AGPS: variants seen among roughly 807,000 people sequenced by gnomAD.
The protein encoded by AGPS is alkylglycerone phosphate synthase.
AGPS carries 26 observed loss-of-function variants against 90.7 expected under a neutral mutation model. That is an observed-to-expected ratio of 0.29 (90% CI 0.21 to 0.40). The LOEUF (loss-of-function observed/expected upper bound fraction) is 0.40. Ranked by LOEUF, AGPS falls within the 10% of genes least tolerant of loss-of-function variation. The probability of loss-of-function intolerance (pLI) is 1.00; values close to 1 mark genes in which losing one functional copy is unlikely to be tolerated. For synonymous variants in AGPS, 294 were observed against 285.3 expected (o/e 1.03, Z -0.31); for missense variants, 540 against 816.1 (o/e 0.66, Z 4.12).
At chr2:177,535,683 G>A (rs767003025) in intron 19 of AGPS, among the ~76,000 whole-genome samples, 4 of 152,124 alleles carry the variant, frequency 2.6e-5, no homozygotes, top group Non-Finnish European at 4.4e-5. Context: ...GTTTGAATGT[G>A]TTTTCTACCT....
chr2:177,457,236 A>G lies in AGPS; in HGVS notation c.871-4657A>G, dbSNP rs143108683. Reference sequence around the variant, plus strand: ...ATAACACTAAATGCCCACAAGAGAAAGCAGTGAGGATCTAAAATTGACACC... The same window carrying G: ...ATAACACTAAATGCCCACAAGAGAAGGCAGTGAGGATCTAAAATTGACACC... On this transcript the variant is annotated intron_variant, in intron 8 of 19. Transcript: ENST00000264167. Among the ~76,000 whole-genome samples, 611 of 152,356 alleles carry G rather than the reference A, an allele frequency of 4.0e-3. 6 individuals are homozygous for G. Among genetic ancestry groups the G allele is most frequent in the East Asian group, 0.032 (168 of 5,188 alleles).
At chr2:177,476,647 T>C (rs924043955) in intron 10 of AGPS, among the ~76,000 whole-genome samples, 15 of 152,094 alleles carry the variant, frequency 9.9e-5, no homozygotes, top group Non-Finnish European at 4.4e-5. Context: ...TCTTCTGTTG[T>C]TGGGTGGAGT....
intron 2 of AGPS, among the ~76,000 whole-genome samples, chr2:177,429,761 C>T (rs1345255335): frequency 6.6e-6 from 1 of 152,128 alleles, no homozygotes; most frequent in Non-Finnish European, 1.5e-5. Flanking sequence ...GTCTGGAGAC[C>T]CCTGTTGGGA....
chr2:177,504,329 C>G (rs1486539630), intron 14 of AGPS, among the ~76,000 whole-genome samples: 1 of 99,316 alleles, frequency 1.0e-5, no homozygotes, highest in Non-Finnish European at 2.2e-5. Flanking sequence ...TGGAGGCTTT[C>G]TACCTCCAAC....
At chr2:177,479,561 A>G (rs897088920) in intron 10 of AGPS, among the ~76,000 whole-genome samples, 4 of 152,220 alleles carry the variant, frequency 2.6e-5, no homozygotes, top group African/African-American at 7.2e-5. Flanking sequence ...AGTGAGTTAT[A>G]CTATACAATG....
At chr2:177,498,263 C>T (rs771727598) in intron 13 of AGPS, among the ~76,000 whole-genome samples, 2 of 151,498 alleles carry the variant, frequency 1.3e-5, no homozygotes, top group South Asian at 2.1e-4. Flanking sequence ...TGAGACTGAA[C>T]GTTAACATTT....
intron 9 of AGPS, among the ~76,000 whole-genome samples, chr2:177,464,658 T>G (rs903761716): frequency 6.6e-6 from 1 of 152,244 alleles, no homozygotes; most frequent in Non-Finnish European, 1.5e-5. Flanking sequence ...ACTTCTCAAT[T>G]TAGTGAATGT....
chr2:177,512,004 G>A (rs1443165246), intron 16 of AGPS, among the ~76,000 whole-genome samples: 1 of 152,184 alleles, frequency 6.6e-6, no homozygotes, highest in Non-Finnish European at 1.5e-5. Context: ...GCAAAGGACT[G>A]TAACAGCAGA....
chr2:177,516,723 C>A (rs1367883284), intron 17 of AGPS, among the ~76,000 whole-genome samples: 1 of 152,098 alleles, frequency 6.6e-6, no homozygotes, highest in Non-Finnish European at 1.5e-5. Context: ...TATTTAGTTA[C>A]ATCTATTTAT....
At chr2:177,510,582 AT>A (rs1015387404) in intron 16 of AGPS, among the ~76,000 whole-genome samples, 9 of 151,298 alleles carry the variant, frequency 5.9e-5, no homozygotes, top group South Asian at 4.2e-4. Flanking sequence ...ATAATGTGCA[AT>A]TTTTTTTTGT....
At chr2:177,530,252 A>G (rs1313007476) in intron 19 of AGPS, among the ~76,000 whole-genome samples, 2 of 152,202 alleles carry the variant, frequency 1.3e-5, no homozygotes. Context: ...CCTTCACAGT[A>G]TTGGCTATGA....
At position 177,392,987 on chromosome 2, in the gene AGPS, G is replaced by C; in HGVS notation, c.198G>C (p.Ala66=). The change falls in exon 1 of 20, where the codon GCG becomes GCC. Residue 66 remains alanine, a synonymous_variant. Transcript: ENST00000264167. ...NECKARRAAS[A]ATAAPTATPA... ...GCAAAGCGCGGAGAGCCGCGTCGGC[G>C]GCCACGGCAGCGCCCACGGCCACTC... 6.5e-7 allele frequency: 1 copy of C among 1,550,056 alleles called. No individual in the cohort carries two copies. Among genetic ancestry groups the C allele is most frequent in the East Asian group, 2.4e-5 (1 of 40,878 alleles).
intron 8 of AGPS, among the ~76,000 whole-genome samples, chr2:177,453,785 T>C (rs1252458830): frequency 1.4e-5 from 2 of 142,456 alleles, no homozygotes; most frequent in East Asian, 4.4e-4. Flanking sequence ...CCTCCCGGGT[T>C]CAAGTGATTC....
chr2:177,453,482 G>C (rs1044995710), intron 8 of AGPS, among the ~76,000 whole-genome samples: 2 of 151,714 alleles, frequency 1.3e-5, no homozygotes, highest in Non-Finnish European at 2.9e-5. Flanking sequence ...TGTTGGTCAG[G>C]CTGGTCTAAA....
chr2:177,513,768 G>A, intron 16 of AGPS, 51 bp from the exon 17 acceptor site: 1 of 1,326,464 alleles, frequency 7.5e-7, no homozygotes, highest in Middle Eastern at 2.0e-4. Context: ...ATTAGCACTT[G>A]TGTAGTTCTC....
At chr2:177,506,326 C>A (rs891965127) in intron 15 of AGPS, among the ~76,000 whole-genome samples, 2 of 151,420 alleles carry the variant, frequency 1.3e-5, no homozygotes, top group African/African-American at 4.8e-5. Context: ...AAATACTCAG[C>A]TTTCTTGTTT....
intron 19 of AGPS, among the ~76,000 whole-genome samples, chr2:177,535,405 T>C (rs1303044450): frequency 2.6e-5 from 4 of 152,188 alleles, no homozygotes; most frequent in Non-Finnish European, 4.4e-5. Flanking sequence ...TGTATACCCA[T>C]GTGTGTTAAC....
intron 13 of AGPS, among the ~76,000 whole-genome samples, chr2:177,498,204 CA>C (rs1342919102): frequency 6.6e-6 from 1 of 151,276 alleles, no homozygotes; most frequent in Non-Finnish European, 1.5e-5. Context: ...TTTAATTTAC[CA>C]GGGGGAAAAC....
chr2:177,440,928 GC>G (rs1559047449), intron 5 of AGPS, 36 bp from the exon 6 acceptor site: 1 of 1,539,996 alleles, frequency 6.5e-7, no homozygotes, highest in Non-Finnish European at 9.0e-7. Context: ...TTTTATTTAT[GC>G]CTCTGTAATT....
Sources: allele counts gnomAD v4.1 joint callset (sites outside exome capture counted in the v4.1 genomes callset), GRCh38; gene constraint gnomAD v4.1.1; transcripts MANE v1.5; gene names NCBI Gene and HGNC (gene_info 2026-07-23, HGNC 2026-07-21).